Variants in RAD54L observed in about 807,000 individuals in gnomAD.
RAD54L encodes RAD54 like.
Under a neutral mutation model 91.6 loss-of-function variants are expected in RAD54L, and 74 were observed. The observed-to-expected ratio is 0.81, with a 90% CI of 0.67 to 0.98. The LOEUF is 0.98. RAD54L is among the 50% of genes least tolerant of loss of function. The pLI, the probability that RAD54L is intolerant of heterozygous loss-of-function variation, is 0.00. For missense variants in RAD54L, 887 were observed against 945.7 expected, an observed-to-expected ratio of 0.94 and a Z score of 0.81; for synonymous variants, 304 against 349.7, an observed-to-expected ratio of 0.87 and a Z score of 1.46.
Position 46,278,258 on chromosome 1 carries a change from TGAG to T in RAD54L, c.2224_2226del (p.Glu742del). The T allele has an allele frequency of 6.2e-7, 1 of 1,613,552 alleles. No individual in the cohort carries two copies. The highest frequency in any genetic ancestry group is 8.5e-7 in the Non-Finnish European group (1 of 1,179,858). On this transcript the variant is annotated inframe_deletion, in exon 18 of 18. Transcript: ENST00000371975. ...CCTTCGTCTTCCACCAGCGTTCTCA[TGAG>T]GAGCAGCGGGGCCTCCGCTGATAAC...
chr1:46,260,836 T>C lies in RAD54L; in HGVS notation c.587T>C (p.Leu196Ser). Residue 196 changes from leucine to serine, a missense_variant, in exon 7 of 18, where the codon TTG (leucine) becomes TCG (serine). Transcript: ENST00000371975. ...GLGKTLQCIT[L>S]MWTLLRQSPE... ...GGAAAGACGCTGCAGTGCATCACAT[T>C]GATGTGGACACTTTTACGCCAGAGT... 1 of 1,614,192 alleles carries C rather than the reference T, an allele frequency of 6.2e-7. No homozygotes were observed. The highest frequency in any genetic ancestry group is 8.5e-7 in the Non-Finnish European group (1 of 1,180,026).
rs1414794718 is a variant in RAD54L at position 46,263,444 on chromosome 1, T to C, written c.891+2059T>C. On this transcript the variant is annotated intron_variant, in intron 8 of 17. Transcript: ENST00000371975. This position sits in a 1 kb window ranked among gnomAD's most constrained non-coding sequence, Gnocchi z 4.3. The stretch of plus-strand genomic sequence containing the variant: ...AGACTTGGCCCTATCTGTCAACCAG[T>C]TGTCAGGCTAGGCTCAGCTCTGGGT... Among the ~76,000 whole-genome samples, 2 of 152,182 alleles carry C rather than the reference T, an allele frequency of 1.3e-5. No individual in the cohort carries two copies. Among genetic ancestry groups the C allele is most frequent in the Admixed American group, 6.5e-5 (1 of 15,270 alleles).
chr1:46,273,786 AC>A (rs1660510196), intron 14 of RAD54L, 39 bp downstream of exon 14: 1 of 1,568,508 alleles, frequency 6.4e-7, no homozygotes, highest in African/African-American at 1.4e-5. Flanking sequence ...AGGGGGATAT[AC>A]CCCTCCCCTA....
intron 4 of RAD54L, among the ~76,000 whole-genome samples, chr1:46,259,503 T>G (rs1039926430): frequency 6.6e-6 from 1 of 152,166 alleles, no homozygotes; most frequent in African/African-American, 2.4e-5. Flanking sequence ...CTGGGCATCG[T>G]GGCTCACGCC....
At chr1:46,255,492 C>CTTTT (rs869103738) in intron 3 of RAD54L, among the ~76,000 whole-genome samples, 8 of 80,832 alleles carry the variant, frequency 9.9e-5, no homozygotes, top group African/African-American at 2.2e-4. Context: ...TTGGCCATTC[C>CTTTT]TTTTTTTTTT....
At chr1:46,257,133 G>A (rs1659963917) in intron 3 of RAD54L, among the ~76,000 whole-genome samples, 2 of 112,156 alleles carry the variant, frequency 1.8e-5, no homozygotes, top group African/African-American at 7.2e-5. Flanking sequence ...AACAGAGCAA[G>A]ACTCCATCTC....
rs1557704696 is a variant in RAD54L at position 46,267,462 on chromosome 1, C to T, written c.895C>T (p.His299Tyr). Residue 299 changes from histidine to tyrosine, a missense_variant, in exon 9 of 18, where the codon CAC (histidine) becomes TAC (tyrosine). Physicochemically the swap from His to Tyr is moderately conservative, Grantham distance 83. Transcript: ENST00000371975. ...CTGAATAAGGATTCTCTTGCAGGGA[C>T]ACAGGCTCAAGAACTCTGAGAATCA... The part of the protein sequence containing the change: ...SVGLVICDEG[H>Y]RLKNSENQTY... 1.2e-6 allele frequency: 2 copies of T among 1,614,012 alleles called. No homozygotes were observed.
chr1:46,276,767 G>T (rs768922526), intron 16 of RAD54L, among the ~76,000 whole-genome samples: 19 of 152,272 alleles, frequency 1.2e-4, no homozygotes, highest in South Asian at 2.1e-4. Flanking sequence ...TCTCTTCGAA[G>T]ACAAGATTAA....
chr1:46,258,884 C>A, intron 4 of RAD54L, 138 bp downstream of exon 4: 1 of 709,496 alleles, frequency 1.4e-6, no homozygotes, highest in Non-Finnish European at 2.5e-6. Flanking sequence ...TTGGGGTGAC[C>A]CTCCTGAGGC....
At position 46,258,317 on chromosome 1, in the gene RAD54L, A is replaced by G. The variant is rs577499910; in HGVS notation, c.211-369A>G. ...TAACTGATGTAGCCAAAAAAAAAAA[A>G]AAAAGAATTGTGAGGTGTGCTTGGG... is the stretch of plus-strand genomic sequence containing the variant. On this transcript the variant is annotated intron_variant, in intron 3 of 17. Coordinates refer to ENST00000371975, the MANE Select transcript of RAD54L (RefSeq NM_003579.4). Among the ~76,000 whole-genome samples, 5 of 152,294 alleles carry G rather than the reference A, an allele frequency of 3.3e-5. No homozygotes were observed. The South Asian group carries it at 8.3e-4, about 25-fold the overall frequency.
intron 8 of RAD54L, among the ~76,000 whole-genome samples, chr1:46,264,940 T>C (rs1660226996): frequency 6.6e-6 from 1 of 152,136 alleles, no homozygotes; most frequent in African/African-American, 2.4e-5. Context: ...AGAGACAGGA[T>C]AGTGTGGCAG....
chr1:46,266,955 T>G (rs1660282465), intron 8 of RAD54L, among the ~76,000 whole-genome samples: 1 of 152,192 alleles, frequency 6.6e-6, no homozygotes, highest in Non-Finnish European at 1.5e-5. Context: ...ATATTCTCCA[T>G]AGTTAAGTGG....
intron 2 of RAD54L, 113 bp downstream of exon 2, chr1:46,248,711 A>G (rs1418682846): frequency 2.2e-6 from 2 of 927,526 alleles, no homozygotes; most frequent in Non-Finnish European, 1.7e-6. Context: ...TTGTATGTTC[A>G]ATAAACTTTT....
chr1:46,262,016 C>T (rs781650414), intron 8 of RAD54L, among the ~76,000 whole-genome samples: 2 of 152,122 alleles, frequency 1.3e-5, no homozygotes, highest in Non-Finnish European at 2.9e-5. Context: ...GTAGTCCCAG[C>T]TACTCAGGAG....
In RAD54L at chr1:46,261,324, C is replaced by T. The variant is rs773643349; in HGVS notation, c.830C>T (p.Thr277Ile). 2 of 1,613,554 alleles carry T rather than the reference C, an allele frequency of 1.2e-6. No individual in the cohort carries two copies. Among genetic ancestry groups the T allele is most frequent in the Admixed American group, 3.3e-5 (2 of 59,946 alleles). Residue 277 changes from threonine to isoleucine, a missense_variant, in exon 8 of 18, where the codon ACC becomes ATC. Transcript: ENST00000371975. ...CCCATCCTCATCATTTCCTATGAGA[C>T]CTTCCGCCTTCATGTTGGAGTCCTC... ...SSPILIISYE[T>I]FRLHVGVLQK...
chr1:46,263,328 C>T lies in RAD54L; in HGVS notation c.891+1943C>T, dbSNP rs28363222. 1.1e-3 allele frequency among the ~76,000 whole-genome samples: 173 copies of T among 152,180 alleles called. 1 individual carries two copies. In the East Asian group the frequency reaches 0.031, roughly 27 times the overall value. On this transcript the variant is annotated intron_variant, in intron 8 of 17. Coordinates refer to ENST00000371975, the MANE Select transcript of RAD54L (RefSeq NM_003579.4). This position sits in a 1 kb window ranked among gnomAD's most constrained non-coding sequence, Gnocchi z 4.3. ...TCCCAGGACTTCCCAGTGGGCTTGG[C>T]GACCCTGAGGCTATAGTCATTGTTT...
At chr1:46,257,163 A>C (rs926825305) in intron 3 of RAD54L, among the ~76,000 whole-genome samples, 5 of 149,610 alleles carry the variant, frequency 3.3e-5, no homozygotes, top group African/African-American at 7.5e-5. Context: ...AAAAAAAAAA[A>C]CCCCAAAAAA....
rs138991716 is a variant in RAD54L, at chr1:46,251,685, T to C, written c.210+1566T>C. ...ATTCTGGGAGGCCAAGGTAGGCGGA[T>C]AGCTTGAGCTCAGGAGTTTGAGACC... On this transcript the variant is annotated intron_variant, in intron 3 of 17. Transcript: ENST00000371975. 2.4e-4 allele frequency among the ~76,000 whole-genome samples: 37 copies of C among 152,334 alleles called. No individual in the cohort carries two copies. In the East Asian group the frequency reaches 6.9e-3, roughly 29 times the overall value.
At position 46,273,325 on chromosome 1, in the gene RAD54L, G is replaced by C. The variant is rs757043194; in HGVS notation, c.1376-30G>C. 3 of 1,560,762 alleles carry C rather than the reference G, an allele frequency of 1.9e-6. No homozygotes were observed. The African/African-American group carries it at 4.1e-5, about 21-fold the overall frequency. On this transcript the variant is annotated intron_variant, in intron 12 of 17. Coordinates refer to ENST00000371975, the MANE Select transcript of RAD54L (RefSeq NM_003579.4). ...TGAAGTGGAAACTTCAGAAAGCAAA[G>C]TATCTGGGTTTTGTTTTGTTTTCTC... is the stretch of plus-strand genomic sequence containing the variant.
Sources: gnomAD v4.1 joint callset for allele counts (sites outside exome capture counted in the v4.1 genomes callset) on GRCh38, gnomAD v4.1.1 for gene constraint, Gnocchi (gnomAD v3.1) non-coding constraint, MANE v1.5 for transcripts, NCBI Gene and HGNC (gene_info 2026-07-23, HGNC 2026-07-21) for gene names.